The following MSRA variants were observed in gnomAD, a reference collection of about 807,000 sequenced individuals.
MSRA encodes methionine sulfoxide reductase A, also known as mitochondrial peptide methionine sulfoxide reductase.
A neutral mutation model predicts 31.3 loss-of-function variants in MSRA; 54 were observed. The ratio of observed to expected loss-of-function variants is 1.73; its 90% CI spans 1.39 to 2.17. MSRA has a LOEUF of 2.17. Among genes scored for constraint, MSRA ranks in the 30% most tolerant of loss-of-function variants. The pLI is 0.00. For synonymous variants in MSRA, 169 were observed against 116.5 expected (o/e 1.45, Z -2.90); for missense variants, 507 against 300.9 (o/e 1.69, Z -5.07).
At chr8:10,224,171 C>G (rs1028399878) in intron 2 of MSRA, among the ~76,000 whole-genome samples, 1 of 152,198 alleles carries the variant, frequency 6.6e-6, no homozygotes, top group Admixed American at 6.5e-5. Flanking sequence ...TCTTCTCCCA[C>G]CAAACCAGTT....
intron 5 of MSRA, among the ~76,000 whole-genome samples, chr8:10,345,725 G>C (rs116110042): frequency 6.6e-6 from 1 of 152,174 alleles, no homozygotes; most frequent in Admixed American, 6.5e-5. Flanking sequence ...TCGGGTTTCT[G>C]TTTCTTTTCT....
At chr8:10,380,691 A>G (rs1416354858) in intron 5 of MSRA, among the ~76,000 whole-genome samples, 10 of 152,206 alleles carry the variant, frequency 6.6e-5, no homozygotes, top group Admixed American at 6.5e-4. Flanking sequence ...AGTATTTAAT[A>G]CATTATTTTT....
intron 1 of MSRA, among the ~76,000 whole-genome samples, chr8:10,132,933 G>T (rs545180685): frequency 6.6e-6 from 1 of 152,320 alleles, no homozygotes; most frequent in East Asian, 1.9e-4. Flanking sequence ...GGGCTAGCAG[G>T]CCAGAAGGTT....
intron 1 of MSRA, among the ~76,000 whole-genome samples, chr8:10,169,918 T>A (rs1035985525): frequency 1.7e-4 from 10 of 59,696 alleles, no homozygotes; most frequent in Non-Finnish European, 2.6e-4. Context: ...TCTTTCTTTC[T>A]TTTTTTTTTT....
At chr8:10,210,370 C>T (rs138489193) in intron 2 of MSRA, among the ~76,000 whole-genome samples, 284 of 152,286 alleles carry the variant, frequency 1.9e-3, no homozygotes, top group Admixed American at 2.5e-3. Context: ...GTTCAAGGAA[C>T]CATGGGAAGG....
chr8:10,178,155 A>T (rs1257728766), intron 1 of MSRA, among the ~76,000 whole-genome samples: 1 of 152,214 alleles, frequency 6.6e-6, no homozygotes, highest in Non-Finnish European at 1.5e-5. Context: ...CTAATTATCC[A>T]TGACATTTAA....
At chr8:10,333,524 C>A (rs1466234653) in intron 5 of MSRA, among the ~76,000 whole-genome samples, 1 of 152,112 alleles carries the variant, frequency 6.6e-6, no homozygotes, top group Admixed American at 6.5e-5. Flanking sequence ...TCTGTACTTG[C>A]TTTGTGTATG....
chr8:10,312,179 G>T (rs1271239470), intron 4 of MSRA, among the ~76,000 whole-genome samples: 3 of 151,960 alleles, frequency 2.0e-5, no homozygotes, highest in African/African-American at 7.3e-5. Flanking sequence ...AGGGCAGAAA[G>T]AAATGAAATG....
At chr8:10,092,777 A>T (rs1248665453) in intron 1 of MSRA, among the ~76,000 whole-genome samples, 1 of 152,186 alleles carries the variant, frequency 6.6e-6, no homozygotes, top group East Asian at 1.9e-4. Flanking sequence ...CAGTTGTGGA[A>T]TGAAAGGTAT....
At chr8:10,234,189 A>G (rs1267928495) in intron 2 of MSRA, among the ~76,000 whole-genome samples, 1 of 152,214 alleles carries the variant, frequency 6.6e-6, no homozygotes, top group Non-Finnish European at 1.5e-5. Flanking sequence ...ATTAAAGGAG[A>G]GACCTGAAGC....
intron 5 of MSRA, among the ~76,000 whole-genome samples, chr8:10,386,594 T>C (rs1352545286): frequency 6.6e-6 from 1 of 152,110 alleles, no homozygotes; most frequent in African/African-American, 2.4e-5. Flanking sequence ...CGTCAGAGCT[T>C]GCCAAGACAC....
At chr8:10,309,110 C>A (rs754983763) in intron 4 of MSRA, among the ~76,000 whole-genome samples, 1 of 152,242 alleles carries the variant, frequency 6.6e-6, no homozygotes, top group African/African-American at 2.4e-5. Flanking sequence ...GCCCTCACCC[C>A]CATGAACTTC....
chr8:10,387,756 T>A (rs186482366), intron 5 of MSRA, among the ~76,000 whole-genome samples: 139 of 152,322 alleles, frequency 9.1e-4, no homozygotes, highest in Non-Finnish European at 1.7e-3. Context: ...TCTCCTGTAG[T>A]TCATCTTTCC....
chr8:10,382,010 A>G (rs921644656), intron 5 of MSRA, among the ~76,000 whole-genome samples: 4 of 152,212 alleles, frequency 2.6e-5, no homozygotes, highest in Admixed American at 2.6e-4. Flanking sequence ...TAGTAATGCT[A>G]AGCCATTTCT....
chr8:10,246,080 A>C (rs1235028990), intron 3 of MSRA, among the ~76,000 whole-genome samples: 2 of 152,226 alleles, frequency 1.3e-5, no homozygotes, highest in East Asian at 3.9e-4. Flanking sequence ...TATAGGCCAA[A>C]TCCCACTTGC....
chr8:10,277,784 T>C (rs1799402142), intron 3 of MSRA, among the ~76,000 whole-genome samples: 1 of 152,208 alleles, frequency 6.6e-6, no homozygotes, highest in Non-Finnish European at 1.5e-5. Context: ...TTATAATAAG[T>C]ATGGGAGGTA....
At chr8:10,348,622 C>T (rs1490790902) in intron 5 of MSRA, among the ~76,000 whole-genome samples, 1 of 152,098 alleles carries the variant, frequency 6.6e-6, no homozygotes, top group Non-Finnish European at 1.5e-5. Context: ...CCTGCCTCGG[C>T]CTCCCAAAGT....
At chr8:10,097,356 A>T (rs1799228352) in intron 1 of MSRA, among the ~76,000 whole-genome samples, 1 of 152,104 alleles carries the variant, frequency 6.6e-6, no homozygotes, top group Admixed American at 6.6e-5. Context: ...CGTCGCTGAT[A>T]CTCCTAAAAT....
At chr8:10,241,804 C>A (rs1052736070) in intron 2 of MSRA, among the ~76,000 whole-genome samples, 1 of 152,294 alleles carries the variant, frequency 6.6e-6, no homozygotes, top group East Asian at 1.9e-4. Context: ...GCCTCTGGAT[C>A]CAATTGTCAA....
Sources: allele counts gnomAD v4.1 joint callset (sites outside exome capture counted in the v4.1 genomes callset), GRCh38; gene constraint gnomAD v4.1.1; transcripts MANE v1.5; gene names NCBI Gene and HGNC (gene_info 2026-07-23, HGNC 2026-07-21).